ZNF160: variants seen among roughly 807,000 people sequenced by gnomAD.
ZNF160 encodes the protein KRAB zinc finger protein KR18.
In ZNF160, 9 loss-of-function variants were observed where a neutral mutation model predicts 13.1. The observed-to-expected ratio is 0.69, with a 90% CI of 0.41 to 1.20. ZNF160 has a LOEUF of 1.20. Ranked by LOEUF, ZNF160 falls within the 50% of genes most tolerant of loss-of-function variation. ZNF160 has a pLI of 0.01. For missense variants in ZNF160, 838 were observed against 988.0 expected, an observed-to-expected ratio of 0.85 and a Z score of 2.04; for synonymous variants, 293 against 333.2, an observed-to-expected ratio of 0.88 and a Z score of 1.31.
At chr19:53,075,572 A>G (rs769630269) in intron 3 of ZNF160, 190 of 355,054 alleles carry the variant, frequency 5.4e-4, no homozygotes, top group Non-Finnish European at 8.9e-4. Flanking sequence ...CACCAATGCC[A>G]ATAATGGAAG....
chr19:53,084,129 G>A (rs1316574283), intron 3 of ZNF160, among the ~76,000 whole-genome samples: 1 of 152,074 alleles, frequency 6.6e-6, no homozygotes, highest in African/African-American at 2.4e-5. Flanking sequence ...CCAAAGTCCT[G>A]CTACAAAACT....
At chr19:53,089,612 GT>G (rs2084961624) in intron 2 of ZNF160, among the ~76,000 whole-genome samples, 2 of 152,064 alleles carry the variant, frequency 1.3e-5, no homozygotes, top group South Asian at 4.1e-4. Context: ...TTATAGACAA[GT>G]TTTGCAATTC....
chr19:53,067,936 C>A lies in ZNF160; in HGVS notation c.*141G>T. 2 of 1,196,916 alleles carry A rather than the reference C, an allele frequency of 1.7e-6. No individual in the cohort carries two copies. The highest frequency in any genetic ancestry group is 2.3e-6 in the Non-Finnish European group (2 of 861,722). 74.1% of individuals were successfully genotyped at this position (1,196,916 alleles called of 1,614,324 possible). On this transcript the variant is annotated 3_prime_UTR_variant, in exon 6 of 6. Coordinates refer to ENST00000683776, the MANE Select transcript of ZNF160 (RefSeq NM_001322131.2). Reference sequence around the variant, plus strand: ...TCTGCCACATATGTTTACATGATGTCTCTTGCTTATGGCCTCTCATATCTA... The same window carrying A: ...TCTGCCACATATGTTTACATGATGTATCTTGCTTATGGCCTCTCATATCTA...
At chr19:53,077,445 G>A (rs2145628634) in intron 3 of ZNF160, 1 of 152,264 alleles carries the variant, frequency 6.6e-6, no homozygotes, top group Admixed American at 6.5e-5. Flanking sequence ...GCCGAGGCGG[G>A]TGGATCACGA....
chr19:53,075,529 C>A, intron 3 of ZNF160: 1 of 351,178 alleles, frequency 2.8e-6, no homozygotes, highest in Admixed American at 4.0e-5. Context: ...TCTGTCCTCT[C>A]GGGAGGACAG....
chr19:53,090,418 T>C (rs1434856492), intron 2 of ZNF160, among the ~76,000 whole-genome samples: 2 of 152,224 alleles, frequency 1.3e-5, no homozygotes, highest in Non-Finnish European at 2.9e-5. Context: ...CATCTGTTCA[T>C]GGTTCTCACC....
At chr19:53,102,744 T>G (rs2085492626) in intron 1 of ZNF160, among the ~76,000 whole-genome samples, 1 of 152,176 alleles carries the variant, frequency 6.6e-6, no homozygotes, top group Admixed American at 6.5e-5. Flanking sequence ...GGGTTTGTAG[T>G]AAGATGTCTG....
rs113087888 is a variant in ZNF160, at chr19:53,077,499, G to A, written c.16-2316C>T. ...AGCCTGGCCAAAATGGTGAAATCCCGTTTCTACAAAAAATACAAAAATTAG... is the reference window on the plus strand; with the variant it reads ...AGCCTGGCCAAAATGGTGAAATCCCATTTCTACAAAAAATACAAAAATTAG... On this transcript the variant is annotated intron_variant, in intron 3 of 5. Transcript: ENST00000683776. 645 of 151,488 alleles carry A rather than the reference G, an allele frequency of 4.3e-3. 2 individuals carry two copies. Among genetic ancestry groups the A allele is most frequent in the South Asian group, 0.011 (52 of 4,760 alleles). 9.4% of individuals were successfully genotyped at this position (151,488 alleles called of 1,614,324 possible).
At chr19:53,102,311 G>A (rs781146219) in intron 1 of ZNF160, among the ~76,000 whole-genome samples, 12 of 151,914 alleles carry the variant, frequency 7.9e-5, no homozygotes, top group Non-Finnish European at 1.5e-5. Context: ...CCCACTCTCT[G>A]GCACTCCCAG....
intron 3 of ZNF160, among the ~76,000 whole-genome samples, chr19:53,081,491 G>C (rs955841600): frequency 5.3e-5 from 8 of 151,998 alleles, no homozygotes; most frequent in African/African-American, 1.9e-4. Context: ...TCGTACTATT[G>C]GCCAACAAGC....
chr19:53,098,916 G>A (rs1380829672), intron 1 of ZNF160, among the ~76,000 whole-genome samples: 3 of 150,476 alleles, frequency 2.0e-5, no homozygotes, highest in African/African-American at 7.5e-5. Flanking sequence ...TACATAGACT[G>A]GAATAAATAG....
Position 53,068,816 on chromosome 19 carries a change from A to T in ZNF160, c.1718T>A (p.Val573Asp). 1 of 1,612,572 alleles carries T rather than the reference A, an allele frequency of 6.2e-7. No individual in the cohort carries two copies. Among genetic ancestry groups the T allele is most frequent in the East Asian group, 2.2e-5 (1 of 44,804 alleles). The change falls in exon 6 of 6, where the codon GTC becomes GAC. Residue 573 changes from valine to aspartate, a missense_variant. Physicochemically the swap from Val to Asp is radical, Grantham distance 152. Transcript: ENST00000683776. ...KPYKCNECGKVFAQTSQLARH... is the reference protein window; with the variant it reads ...KPYKCNECGKDFAQTSQLARH... ...TGCAAGTTGTGATGTTTGAGCGAAG[A>T]CTTTACCACATTCATTACACTTGTA...
At chr19:53,081,137 T>A (rs2145717309) in intron 3 of ZNF160, among the ~76,000 whole-genome samples, 1 of 152,254 alleles carries the variant, frequency 6.6e-6, no homozygotes, top group Middle Eastern at 3.4e-3. Flanking sequence ...ACCTAGGAAA[T>A]ACTCTTCTAA....
chr19:53,086,527 C>T (rs1455469042), intron 2 of ZNF160, among the ~76,000 whole-genome samples: 1 of 152,054 alleles, frequency 6.6e-6, no homozygotes, highest in Admixed American at 6.5e-5. Flanking sequence ...TTTCTGACCC[C>T]TTTCTTCAGA....
chr19:53,099,240 C>T (rs1245097528), intron 1 of ZNF160, among the ~76,000 whole-genome samples: 2 of 152,162 alleles, frequency 1.3e-5, no homozygotes, highest in Non-Finnish European at 2.9e-5. Flanking sequence ...GAAGACAGCT[C>T]TGAGGCTAGA....
At chr19:53,089,124 C>G (rs1048358187) in intron 2 of ZNF160, among the ~76,000 whole-genome samples, 15 of 152,118 alleles carry the variant, frequency 9.9e-5, no homozygotes, top group Non-Finnish European at 4.4e-5. Context: ...CAAGTGAATC[C>G]CCAATTTACA....
In ZNF160 at chr19:53,068,084, T is replaced by C. The variant is rs1353203138; in HGVS notation, c.2450A>G (p.Tyr817Cys). The change falls in exon 6 of 6, where the codon TAC (tyrosine) becomes TGC (cysteine). Residue 817 changes from tyrosine to cysteine, a missense_variant. Around this residue, in one of 3 missense-constraint regions of ZNF160, gnomAD observed 51 missense variants for 46.9 expected, o/e 1.09. Coordinates refer to ENST00000683776, the MANE Select transcript of ZNF160 (RefSeq NM_001322131.2). Reference protein sequence around the residue: ...HHRMHTGEKPYK With the variant: ...HHRMHTGEKPCK ...CTAATGACCTCACCACACTCATTTG[T>C]AAGGTTTCTCTCCGGTATGCATTCT... 6.2e-7 allele frequency: 1 copy of C among 1,602,086 alleles called. No individual in the cohort carries two copies. Among genetic ancestry groups the C allele is most frequent in the Non-Finnish European group, 8.5e-7 (1 of 1,173,444 alleles).
chr19:53,086,886 G>A (rs988327423), intron 2 of ZNF160, among the ~76,000 whole-genome samples: 27 of 152,198 alleles, frequency 1.8e-4, no homozygotes, highest in African/African-American at 6.3e-4. Context: ...GCCCAGCACA[G>A]CCCCACCTTC....
Position 53,068,468 on chromosome 19 carries a change from T to C in ZNF160, c.2066A>G (p.Asn689Ser). The C allele has an allele frequency of 6.2e-7, 1 of 1,613,506 alleles. No homozygotes were observed. The highest frequency in any genetic ancestry group is 8.5e-7 in the Non-Finnish European group (1 of 1,179,696). ...CNQCGKVFTQ[N>S]SHLANHQRTH... ...CCTTTGATGATTTGCAAGGTGTGAG[T>C]TCTGAGTGAAGACCTTGCCACATTG... Residue 689 changes from asparagine (N) to serine (S), a missense_variant, in exon 6 of 6, where the codon AAC (asparagine) becomes AGC (serine). Around this residue, in one of 3 missense-constraint regions of ZNF160, gnomAD observed 400 missense variants for 538.9 expected, o/e 0.74. Transcript: ENST00000683776.
Sources: gnomAD v4.1 joint callset for allele counts (sites outside exome capture counted in the v4.1 genomes callset) on GRCh38, gnomAD v4.1.1 for gene constraint, gnomAD v4.1.1 regional missense constraint, MANE v1.5 for transcripts, NCBI Gene and HGNC (gene_info 2026-07-23, HGNC 2026-07-21) for gene names.